The following NEMP1 variants were observed in gnomAD, a reference collection of about 807,000 sequenced individuals.
NEMP1 encodes the protein nuclear envelope integral membrane protein 1.
In NEMP1, 29 loss-of-function variants were observed where a neutral mutation model predicts 53.7. That is an observed-to-expected ratio of 0.54 (90% confidence interval 0.40 to 0.74). The LOEUF is 0.74. Ranked by LOEUF, NEMP1 falls within the 30% of genes least tolerant of loss-of-function variation. NEMP1 has a pLI of 0.00. For missense variants in NEMP1, 477 were observed against 528.6 expected (o/e 0.90, Z 0.96); for synonymous variants, 193 against 192.9 (o/e 1.00, Z 0.00).
chr12:57,065,641 C>A (rs944949539), intron 4 of NEMP1, among the ~76,000 whole-genome samples: 5 of 151,504 alleles, frequency 3.3e-5, no homozygotes. Context: ...CCCACCTCAG[C>A]CTCCCGAGTA....
rs2031670187 is a variant in NEMP1, at chr12:57,059,115, T to C, written c.*764A>G. On this transcript the variant is annotated 3_prime_UTR_variant, in exon 9 of 9. Transcript: ENST00000300128. ...TTAAGATGGAATTGAAAGTTGAATA[T>C]AATAAAAAGCCCAGTACATCTCACC... 1 of 152,132 alleles carries C rather than the reference T, an allele frequency of 6.6e-6. No homozygotes were observed. Among genetic ancestry groups the C allele is most frequent in the South Asian group, 2.1e-4 (1 of 4,826 alleles). 9.4% of individuals were successfully genotyped at this position (152,132 alleles called of 1,614,324 possible). A position where few individuals can be genotyped will look rare whatever the true frequency, so the allele number is the denominator to read the frequency against.
At chr12:57,062,993 T>G (rs1592500510) in intron 7 of NEMP1, 126 bp downstream of exon 7, 8 of 648,942 alleles carry the variant, frequency 1.2e-5, no homozygotes, top group Non-Finnish European at 5.2e-6. Context: ...GGAACAAAAG[T>G]GGAAGTACAA....
chr12:57,079,525 T>C (rs1232715661), upstream of NEMP1, among the ~76,000 whole-genome samples: 1 of 152,224 alleles, frequency 6.6e-6, no homozygotes, highest in African/African-American at 2.4e-5. Context: ...GATCCCAACC[T>C]AAATCCTACT....
At position 57,064,111 on chromosome 12, in the gene NEMP1, A is replaced by G; in HGVS notation, c.714T>C (p.Asn238=). The G allele has an allele frequency of 6.2e-7, 1 of 1,611,022 alleles. No individual in the cohort carries two copies. The highest frequency in any genetic ancestry group is 1.7e-4 in the Middle Eastern group (1 of 6,058). The part of the protein sequence containing the change: ...SLYLIQLVFK[N]LQEIWRCYWQ... ...AGTAACACCTCCAGATCTCTTGTAA[A>G]TTTTTAAAAACTAGTTGAATGAGGT... is the stretch of plus-strand genomic sequence containing the variant. Residue 238 remains asparagine, a synonymous_variant, in exon 6 of 9, where the codon AAT becomes AAC. Coordinates refer to ENST00000300128, the MANE Select transcript of NEMP1 (RefSeq NM_001130963.2).
In NEMP1 at chr12:57,062,026, T is replaced by C. The variant is rs138283177; in HGVS notation, c.981-1081A>G. 8.1e-4 allele frequency among the ~76,000 whole-genome samples: 123 copies of C among 152,240 alleles called. 2 individuals carry two copies. In the East Asian group the frequency reaches 0.017, roughly 21 times the overall value. On this transcript the variant is annotated intron_variant, in intron 7 of 8. Coordinates refer to ENST00000300128, the MANE Select transcript of NEMP1 (RefSeq NM_001130963.2). ...AAAAAAAGATTGTGGTCCAGTAACT[T>C]GGTTTCCCAAACTGAAAGCATCACC...
chr12:57,061,558 T>G (rs2031803225), intron 7 of NEMP1, among the ~76,000 whole-genome samples: 1 of 151,620 alleles, frequency 6.6e-6, no homozygotes, highest in Non-Finnish European at 1.5e-5. Context: ...CCAGGCATGG[T>G]GGTGCATACC....
At chr12:57,072,524 C>T (rs1258254033) in intron 2 of NEMP1, among the ~76,000 whole-genome samples, 1 of 152,092 alleles carries the variant, frequency 6.6e-6, no homozygotes, top group African/African-American at 2.4e-5. Flanking sequence ...GACAAGAAAA[C>T]AAAGCAGTTT....
At chr12:57,087,489 C>G (rs2033043870) in intron 1 of NEMP1, among the ~76,000 whole-genome samples, 1 of 151,720 alleles carries the variant, frequency 6.6e-6, no homozygotes, top group African/African-American at 2.4e-5. Context: ...GGGTCGGGAG[C>G]GTCCCCAGGG....
At chr12:57,084,470 T>C (rs768460066) in intron 1 of NEMP1, among the ~76,000 whole-genome samples, 2 of 152,124 alleles carry the variant, frequency 1.3e-5, no homozygotes, top group Non-Finnish European at 2.9e-5. Flanking sequence ...GTCCTGTCGA[T>C]CTTATTTTCT....
rs979108464 is a variant in NEMP1 at position 57,055,817 on chromosome 12, T to C, written c.*4062A>G. 1 of 152,154 alleles carries C rather than the reference T, an allele frequency of 6.6e-6. No homozygotes were observed. The highest frequency in any genetic ancestry group is 1.5e-5 in the Non-Finnish European group (1 of 68,030). The allele number at this position is 152,154 out of a possible 1,614,324, so 9.4% of individuals were successfully genotyped here. On this transcript the variant is annotated 3_prime_UTR_variant, in exon 9 of 9. Transcript: ENST00000300128. Reference sequence around the variant, plus strand: ...AACATTCATGAACATTTAAATAAAATTACAAATATTTAAATAACCCTAAGG... The same window carrying C: ...AACATTCATGAACATTTAAATAAAACTACAAATATTTAAATAACCCTAAGG...
At chr12:57,062,965 A>C (rs547927707) in intron 7 of NEMP1, among the ~76,000 whole-genome samples, 154 bp downstream of exon 7, 11 of 152,332 alleles carry the variant, frequency 7.2e-5, no homozygotes, top group African/African-American at 2.2e-4. Context: ...AGTAAAAAAA[A>C]AAAAATAGAC....
upstream of NEMP1, among the ~76,000 whole-genome samples, chr12:57,083,390 A>C (rs1241692923): frequency 6.6e-6 from 1 of 152,246 alleles, no homozygotes; most frequent in Admixed American, 6.5e-5. Context: ...TCTCCTTCAG[A>C]GTCTATAACA....
In NEMP1 at chr12:57,060,807, A is replaced by C. The variant is rs1328360163; in HGVS notation, c.1119T>G (p.Ala373=). ...REFCNSPDCS[A]WKTVSRIQSP... The stretch of plus-strand genomic sequence containing the variant: ...ACTGGATTCGAGAAACAGTCTTCCA[A>C]GCAGAGCAGTCTGGACTGTTACAAA... The change falls in exon 8 of 9, where the codon GCT becomes GCG. Residue 373 remains alanine, a synonymous_variant. Transcript: ENST00000300128. 1 of 1,613,764 alleles carries C rather than the reference A, an allele frequency of 6.2e-7. No homozygotes were observed. Among genetic ancestry groups the C allele is most frequent in the East Asian group, 2.2e-5 (1 of 44,860 alleles).
chr12:57,087,113 C>T (rs986742446), intron 1 of NEMP1, among the ~76,000 whole-genome samples: 8 of 152,254 alleles, frequency 5.3e-5, no homozygotes, highest in African/African-American at 1.4e-4. Context: ...CGAGCACCCC[C>T]TCTCCCAGGA....
upstream of NEMP1, among the ~76,000 whole-genome samples, chr12:57,081,285 G>A (rs2032839510): frequency 6.6e-6 from 1 of 152,012 alleles, no homozygotes; most frequent in Admixed American, 6.6e-5. Context: ...CTCTTGTTGA[G>A]CAGGCTGGAG....
At chr12:57,078,567 A>G in intron 1 of NEMP1, 52 bp downstream of exon 1, 1 of 1,567,794 alleles carries the variant, frequency 6.4e-7, no homozygotes, top group Non-Finnish European at 8.7e-7. Flanking sequence ...CCCTTTTCCA[A>G]AAATAACCCC....
At chr12:57,063,094 T>C (rs2031895958) in intron 7 of NEMP1, 25 bp downstream of exon 7, 1 of 1,554,436 alleles carries the variant, frequency 6.4e-7, no homozygotes, top group African/African-American at 1.4e-5. Flanking sequence ...CCTGTCAATA[T>C]TAAGTTACAT....
intron 4 of NEMP1, among the ~76,000 whole-genome samples, chr12:57,066,562 T>C (rs1042984554): frequency 2.0e-5 from 3 of 152,226 alleles, no homozygotes; most frequent in African/African-American, 7.2e-5. Flanking sequence ...GGGTTATTAA[T>C]TGGCCTAGTT....
chr12:57,064,840 C>T, intron 4 of NEMP1, 101 bp from the exon 5 acceptor site: 2 of 865,398 alleles, frequency 2.3e-6, no homozygotes, highest in Non-Finnish European at 3.6e-6. Flanking sequence ...TTAAAAGGTA[C>T]AAGATTAGAG....
Sources: gnomAD v4.1 joint callset for allele counts (sites outside exome capture counted in the v4.1 genomes callset) on GRCh38, gnomAD v4.1.1 for gene constraint, MANE v1.5 for transcripts, NCBI Gene and HGNC (gene_info 2026-07-23, HGNC 2026-07-21) for gene names.